ZC4H2: variants seen among roughly 807,000 people sequenced by gnomAD.
The protein encoded by ZC4H2 is zinc finger C4H2 domain-containing protein.
For synonymous variants in ZC4H2, 84 were observed against 66.3 expected (o/e 1.27, Z -1.30); for missense variants, 137 against 173.9 (o/e 0.79, Z 1.19).
chrX:64,954,759 A>C (rs1284103270), intron 1 of ZC4H2, among the ~76,000 whole-genome samples: 1 of 110,494 alleles, frequency 9.1e-6, no homozygotes, highest in African/African-American at 3.3e-5. Context: ...CTGGTTTATA[A>C]AACTACTAAC....
chrX:64,933,802 C>T (rs983813051), intron 1 of ZC4H2, among the ~76,000 whole-genome samples: 4 of 111,214 alleles, frequency 3.6e-5, no homozygotes, highest in Non-Finnish European at 7.5e-5. Context: ...AATTTTCCCC[C>T]ATTTTTATAC....
chrX:64,969,220 T>C (rs1487054598), intron 1 of ZC4H2, among the ~76,000 whole-genome samples: 1 of 112,063 alleles, frequency 8.9e-6, no homozygotes, highest in African/African-American at 3.3e-5. Flanking sequence ...GCCAAGACTA[T>C]AAAACATTCA....
intron 1 of ZC4H2, among the ~76,000 whole-genome samples, chrX:65,020,935 C>CCACTAGCCAGACTAATAAAGAAGAAAAG (rs1569232496): frequency 1.8e-5 from 2 of 111,249 alleles, no homozygotes; most frequent in African/African-American, 6.6e-5. Context: ...AAAAGAAAGG[C>CCACTAGCCAGACTAATAAAGAAGAAAAG]ATTACATAAT....
At chrX:64,925,684 G>A (rs1929395653) in intron 1 of ZC4H2, among the ~76,000 whole-genome samples, 1 of 111,838 alleles carries the variant, frequency 8.9e-6, no homozygotes, top group Non-Finnish European at 1.9e-5. Context: ...ATGTTATTGG[G>A]CAAGAGACAT....
chrX:64,954,685 G>T (rs6624134), intron 1 of ZC4H2, among the ~76,000 whole-genome samples: 2 of 107,983 alleles, frequency 1.9e-5, no homozygotes, highest in Non-Finnish European at 3.8e-5. Flanking sequence ...TTCAATACAG[G>T]TTTCTATAAA....
chrX:65,021,473 T>C (rs1932836063), intron 1 of ZC4H2, among the ~76,000 whole-genome samples: 1 of 110,925 alleles, frequency 9.0e-6, no homozygotes, highest in African/African-American at 3.3e-5. Flanking sequence ...TTGAAAACAA[T>C]GAGAACAAAG....
At chrX:65,021,103 A>G (rs1482998383) in intron 1 of ZC4H2, among the ~76,000 whole-genome samples, 1 of 110,796 alleles carries the variant, frequency 9.0e-6, no homozygotes, top group Non-Finnish European at 1.9e-5. Context: ...CACTGTCAAT[A>G]TTAGACAGAT....
intron 1 of ZC4H2, among the ~76,000 whole-genome samples, chrX:64,956,194 C>T (rs780630398): frequency 2.7e-5 from 3 of 111,628 alleles, no homozygotes; most frequent in Non-Finnish European, 5.6e-5. Flanking sequence ...TGGAGAAATA[C>T]ATAAAATGTA....
At chrX:64,929,993 C>G (rs1929669047) in intron 1 of ZC4H2, among the ~76,000 whole-genome samples, 1 of 111,596 alleles carries the variant, frequency 9.0e-6, no homozygotes, top group Non-Finnish European at 1.9e-5. Context: ...GATTCTACCC[C>G]TCCATGAGCA....
chrX:64,935,154 C>T (rs916157834), intron 1 of ZC4H2, among the ~76,000 whole-genome samples: 14 of 111,249 alleles, frequency 1.3e-4, no homozygotes, highest in South Asian at 1.1e-3. Flanking sequence ...GAGGGGCGTC[C>T]GCCATTTCTG....
At chrX:64,933,879 G>T (rs1189962034) in intron 1 of ZC4H2, among the ~76,000 whole-genome samples, 1 of 111,995 alleles carries the variant, frequency 8.9e-6, no homozygotes, top group African/African-American at 3.3e-5. Flanking sequence ...ACCAGTTGTA[G>T]CTAAGGCAGG....
chrX:64,959,439 A>G (rs758089216), intron 1 of ZC4H2, among the ~76,000 whole-genome samples: 103 of 101,984 alleles, frequency 1.0e-3, no homozygotes, highest in African/African-American at 3.6e-3. Flanking sequence ...TATTTTGTAC[A>G]CTACTAAGAA....
chrX:64,958,836 TG>T (rs1287720543), intron 1 of ZC4H2, among the ~76,000 whole-genome samples: 1 of 111,566 alleles, frequency 9.0e-6, no homozygotes, highest in East Asian at 2.8e-4. Flanking sequence ...AAGAAGGTAC[TG>T]GGGGTGGCAC....
chrX:64,971,413 G>A (rs897847643), intron 1 of ZC4H2, among the ~76,000 whole-genome samples: 1 of 111,941 alleles, frequency 8.9e-6, no homozygotes, highest in African/African-American at 3.3e-5. Flanking sequence ...GGAGAGTGGG[G>A]CAGGTATTGG....
intron 1 of ZC4H2, among the ~76,000 whole-genome samples, chrX:65,003,421 T>C (rs1932589212): frequency 9.0e-6 from 1 of 111,016 alleles, no homozygotes; most frequent in Non-Finnish European, 1.9e-5. Flanking sequence ...AGACAAGAGA[T>C]AACTAAAGTC....
chrX:65,020,342 T>A (rs1447502060), intron 1 of ZC4H2, among the ~76,000 whole-genome samples: 2 of 111,720 alleles, frequency 1.8e-5, no homozygotes, highest in Non-Finnish European at 3.8e-5. Flanking sequence ...GATCTCTCAG[T>A]GGAAACCCTA....
At chrX:64,975,123 A>T in intron 1 of ZC4H2, among the ~76,000 whole-genome samples, 1 of 110,722 alleles carries the variant, frequency 9.0e-6, no homozygotes, top group African/African-American at 3.3e-5. Flanking sequence ...AAAATCACTC[A>T]AATTCTCTGG....
At chrX:65,027,896 C>T (rs139147591) in intron 1 of ZC4H2, among the ~76,000 whole-genome samples, 209 of 111,723 alleles carry the variant, frequency 1.9e-3, no homozygotes, top group Non-Finnish European at 3.3e-3. Context: ...ATTCGTCATG[C>T]GGGAATTGAA....
chrX:64,953,617 A>G (rs1052988525), intron 1 of ZC4H2, among the ~76,000 whole-genome samples: 1 of 112,052 alleles, frequency 8.9e-6, no homozygotes, highest in African/African-American at 3.2e-5. Context: ...CAAAACCACA[A>G]TGAGATAGCA....
Sources: allele counts gnomAD v4.1 joint callset (sites outside exome capture counted in the v4.1 genomes callset), GRCh38; gene constraint gnomAD v4.1.1; transcripts MANE v1.5; gene names NCBI Gene and HGNC (gene_info 2026-07-23, HGNC 2026-07-21).